Variants in GPR20 observed in about 807,000 individuals in gnomAD.
GPR20 encodes the protein CTD-3064M3.3.
For synonymous variants in GPR20, 241 were observed against 241.9 expected (o/e 1.00, Z 0.04); for missense variants, 494 against 527.4 (o/e 0.94, Z 0.62).
At position 141,356,698 on chromosome 8, in the gene GPR20, A is replaced by G. The variant is rs1831640555; in HGVS notation, c.*149T>C. 7 of 594,896 alleles carry G rather than the reference A, an allele frequency of 1.2e-5. No individual in the cohort carries two copies. The East Asian group carries it at 1.7e-4, about 14-fold the overall frequency. 36.9% of individuals were successfully genotyped at this position (594,896 alleles called of 1,614,324 possible). A position where few individuals can be genotyped will look rare whatever the true frequency, so the allele number is the denominator to read the frequency against. On this transcript the variant is annotated 3_prime_UTR_variant, in exon 2 of 2. Transcript: ENST00000377741. ...GCAGACATTGCTAATCAACCACAGC[A>G]CAGTGGCCTTAGACGCTCAATGCGG... is the stretch of plus-strand genomic sequence containing the variant.
At chr8:141,367,039 T>C (rs113551469) in intron 1 of GPR20, among the ~76,000 whole-genome samples, 162 bp downstream of exon 1, 101 of 152,348 alleles carry the variant, frequency 6.6e-4, no homozygotes, top group African/African-American at 2.4e-3. Flanking sequence ...CAGGACCTGC[T>C]CTGAGCTCTC....
chr8:141,361,903 G>A lies in GPR20; in HGVS notation c.-24-3956C>T, dbSNP rs148959031. Among the ~76,000 whole-genome samples the A allele has an allele frequency of 2.3e-3, 345 of 152,252 alleles. 4 individuals are homozygous for A. The highest frequency in any genetic ancestry group is 3.5e-3 in the Non-Finnish European group (239 of 67,998). On this transcript the variant is annotated intron_variant, in intron 1 of 1. Transcript: ENST00000377741. ...AGGTGGGCACACCTCCCAGAGCCCC[G>A]GCCTTTCAAGGCTTCGCTGAGCTCC... is the stretch of plus-strand genomic sequence containing the variant.
intron 1 of GPR20, among the ~76,000 whole-genome samples, chr8:141,358,717 G>A (rs999836486): frequency 6.6e-6 from 1 of 152,198 alleles, no homozygotes; most frequent in Non-Finnish European, 1.5e-5. Context: ...GGGCTGCATG[G>A]GAGCCAAGGA....
At chr8:141,363,475 C>G (rs1372117570) in intron 1 of GPR20, among the ~76,000 whole-genome samples, 1 of 152,260 alleles carries the variant, frequency 6.6e-6, no homozygotes, top group Non-Finnish European at 1.5e-5. Context: ...TGTCCCCTCC[C>G]TGGGGGTTCC....
At chr8:141,358,217 G>A (rs959346161) in intron 1 of GPR20, among the ~76,000 whole-genome samples, 4 of 152,234 alleles carry the variant, frequency 2.6e-5, no homozygotes, top group African/African-American at 7.2e-5. Flanking sequence ...GACAAAATAC[G>A]GAGGTTTCTG....
At chr8:141,360,398 G>A (rs1281599361) in intron 1 of GPR20, among the ~76,000 whole-genome samples, 9 of 152,270 alleles carry the variant, frequency 5.9e-5, no homozygotes, top group East Asian at 1.9e-4. Context: ...TTCCTGTGGC[G>A]CTCTGAGCCC....
chr8:141,359,567 C>G (rs572595744), intron 1 of GPR20, among the ~76,000 whole-genome samples: 1 of 152,362 alleles, frequency 6.6e-6, no homozygotes, highest in East Asian at 1.9e-4. Flanking sequence ...CCAGCTCCCC[C>G]CGACTGCAAG....
Position 141,356,923 on chromosome 8 carries a change from C to T in GPR20, c.1001G>A (p.Gly334Asp). The T allele has an allele frequency of 6.2e-7, 1 of 1,612,382 alleles. No homozygotes were observed. The highest frequency in any genetic ancestry group is 1.1e-5 in the South Asian group (1 of 91,068). Residue 334 changes from glycine (G) to aspartate (D), a missense_variant, in exon 2 of 2, where the codon GGC becomes GAC. Gly to Asp is a moderately conservative substitution (Grantham distance 94). Transcript: ENST00000377741. ...DVVSMHRSSK[G>D]SGRHHILSAG... ...ACTGAGGATGTGATGACGGCCTGAG[C>T]CCTTGGAGCTCCTGTGCATGCTGAC...
intron 1 of GPR20, among the ~76,000 whole-genome samples, chr8:141,360,529 G>A (rs1244111950): frequency 6.6e-6 from 1 of 152,336 alleles, no homozygotes. Flanking sequence ...GCCTCCCACA[G>A]CGACGGATGT....
At position 141,357,699 on chromosome 8, in the gene GPR20, C is replaced by CAGCGCCAGCCCGTTG. The variant is rs764819115; in HGVS notation, c.210_224dup (p.Asn71_Leu75dup). The CAGCGCCAGCCCGTTG allele has an allele frequency of 6.2e-7, 1 of 1,613,554 alleles. No individual in the cohort carries two copies. Among genetic ancestry groups the CAGCGCCAGCCCGTTG allele is most frequent in the East Asian group, 2.2e-5 (1 of 44,874 alleles). On this transcript the variant is annotated inframe_insertion, in exon 2 of 2. Coordinates refer to ENST00000377741, the MANE Select transcript of GPR20 (RefSeq NM_005293.3). ...CCCGGGTGCGGCAGCAGAAGACGTA[C>CAGCGCCAGCCCGTTG]AGCGCCAGCCCGTTGAGCACCAGCC...
chr8:141,359,823 A>C (rs1043008292), intron 1 of GPR20, among the ~76,000 whole-genome samples: 1 of 152,190 alleles, frequency 6.6e-6, no homozygotes, highest in African/African-American at 2.4e-5. Flanking sequence ...CTGTGGATGA[A>C]ACGCTCTCAG....
rs188275735 is a variant in GPR20 at position 141,362,012 on chromosome 8, C to T, written c.-24-4065G>A. Among the ~76,000 whole-genome samples the T allele has an allele frequency of 2.3e-3, 347 of 152,318 alleles. 4 individuals are homozygous for T. The highest frequency in any genetic ancestry group is 3.5e-3 in the Non-Finnish European group (239 of 68,010). ...CACATCACAAAACAGCCGTCCTAGG[C>T]GGGGCTGCCGCTGGGTTGGGGGTTC... On this transcript the variant is annotated intron_variant, in intron 1 of 1. Transcript: ENST00000377741.
chr8:141,361,621 C>T (rs112830804), intron 1 of GPR20, among the ~76,000 whole-genome samples: 33 of 152,306 alleles, frequency 2.2e-4, no homozygotes, highest in African/African-American at 7.2e-4. Flanking sequence ...AGGTCCAGCT[C>T]CCACACTACT....
intron 1 of GPR20, among the ~76,000 whole-genome samples, chr8:141,362,223 T>C (rs540344196): frequency 1.3e-5 from 2 of 152,358 alleles, no homozygotes; most frequent in South Asian, 4.1e-4. Context: ...TGCCCATTTT[T>C]AGGACTTCCC....
intron 1 of GPR20, among the ~76,000 whole-genome samples, chr8:141,362,250 T>C (rs1479149772): frequency 1.3e-5 from 2 of 152,202 alleles, no homozygotes; most frequent in Non-Finnish European, 2.9e-5. Flanking sequence ...CTTGCCTCCT[T>C]AAGGAAGCCT....
chr8:141,361,006 G>T (rs1169995337), intron 1 of GPR20, among the ~76,000 whole-genome samples: 2 of 152,228 alleles, frequency 1.3e-5, no homozygotes, highest in Non-Finnish European at 2.9e-5. Context: ...CCAAACCTGG[G>T]TGTGGGGGAG....
At position 141,357,547 on chromosome 8, in the gene GPR20, T is replaced by G. The variant is rs1414272662; in HGVS notation, c.377A>C (p.His126Pro). 6.2e-7 allele frequency: 1 copy of G among 1,613,780 alleles called. No individual in the cohort carries two copies. Among genetic ancestry groups the G allele is most frequent in the Non-Finnish European group, 8.5e-7 (1 of 1,180,002 alleles). The change falls in exon 2 of 2, where the codon CAC becomes CCC. Residue 126 changes from histidine (H) to proline (P), a missense_variant. His to Pro is a moderately conservative substitution (Grantham distance 77, BLOSUM62 -2). Transcript: ENST00000377741. ...ARGCLRCAFP[H>P]VLGYFLNMHC... is the part of the protein sequence containing the mutation. ...CATGTTGAGGAAGTAACCGAGGACG[T>G]GCGGGAAGGCACAGCGCAGGCAGCC...
chr8:141,356,954 C>A lies in GPR20; in HGVS notation c.970G>T (p.Asp324Tyr), dbSNP rs1474740068. The A allele has an allele frequency of 1.9e-5, 30 of 1,612,980 alleles. No individual in the cohort carries two copies. Among genetic ancestry groups the A allele is most frequent in the Non-Finnish European group, 2.5e-5 (29 of 1,180,012 alleles). The change falls in exon 2 of 2, where the codon GAC (aspartate) becomes TAC (tyrosine). Residue 324 changes from aspartate to tyrosine, a missense_variant. Asp to Tyr is a radical substitution (Grantham distance 160, BLOSUM62 -3). Coordinates refer to ENST00000377741, the MANE Select transcript of GPR20 (RefSeq NM_005293.3). ...QHGEREPSSG[D>Y]VVSMHRSSKG... is the part of the protein sequence containing the mutation. The stretch of plus-strand genomic sequence containing the variant: ...GAGCTCCTGTGCATGCTGACCACGT[C>A]ACCGCTGCTGGGCTCACGCTCTCCG...
At position 141,357,145 on chromosome 8, in the gene GPR20, C is replaced by A. The variant is rs141641389; in HGVS notation, c.779G>T (p.Arg260Leu). The change falls in exon 2 of 2, where the codon CGC becomes CTC. Residue 260 changes from arginine to leucine, a missense_variant. By Grantham distance (102) the Arg-to-Leu change is moderately radical. Transcript: ENST00000377741. ...GGGCCACAGCGCCACGGCCACTTGG[C>A]GGGCGTGGAAGGGCGTGAAGCAGAC... is the stretch of plus-strand genomic sequence containing the variant. ...FLVCFTPFHA[R>L]QVAVALWPDM... 6.2e-7 allele frequency: 1 copy of A among 1,610,274 alleles called. No individual in the cohort carries two copies. Among genetic ancestry groups the A allele is most frequent in the South Asian group, 1.1e-5 (1 of 91,024 alleles).
Sources: allele counts gnomAD v4.1 joint callset (sites outside exome capture counted in the v4.1 genomes callset), GRCh38; gene constraint gnomAD v4.1.1; transcripts MANE v1.5; gene names NCBI Gene and HGNC (gene_info 2026-07-23, HGNC 2026-07-21).